Variants in RPS6KA2 observed in about 807,000 individuals in gnomAD.
The protein encoded by RPS6KA2 is ribosomal protein S6 kinase alpha-2.
A neutral mutation model predicts 91.8 loss-of-function variants in RPS6KA2; 42 were observed. The observed-to-expected ratio is 0.46, with a 90% confidence interval of 0.36 to 0.59. The LOEUF (loss-of-function observed/expected upper bound fraction) is 0.59, where lower values mean the gene tolerates loss of function less well. Among genes scored for constraint, RPS6KA2 ranks in the 20% least tolerant of loss-of-function variants. The pLI is 0.00. For synonymous variants in RPS6KA2, 414 were observed against 393.6 expected (o/e 1.05, Z -0.61); for missense variants, 798 against 978.5 (o/e 0.82, Z 2.46).
chr6:166,642,876 A>G (rs776479188), intron 2 of RPS6KA2, among the ~76,000 whole-genome samples: 1 of 152,246 alleles, frequency 6.6e-6, no homozygotes, highest in Non-Finnish European at 1.5e-5. Flanking sequence ...GCCATTGCTC[A>G]GTGTCACATT....
chr6:166,670,280 C>G (rs9356509), intron 2 of RPS6KA2, among the ~76,000 whole-genome samples: 27,437 of 152,250 alleles, frequency 0.18, 2,500 homozygotes, highest in South Asian at 0.24. Flanking sequence ...AGGCTGTAAG[C>G]CCTGCAACAC....
chr6:166,510,348 C>T lies in RPS6KA2; in HGVS notation c.308G>A (p.Arg103Gln), dbSNP rs749147718. ...LKKATLKVRD[R>Q]VRSKMERDIL... is the part of the protein sequence containing the mutation. ...GTCTCTCTCCATCTTCGATCTCACT[C>T]GGTCCCGAACTGCAAAGTAAAAAGA... is the stretch of plus-strand genomic sequence containing the variant. The change falls in exon 4 of 21, where the codon CGA becomes CAA. Residue 103 changes from arginine to glutamine, a missense_variant. Physicochemically the swap from Arg to Gln is conservative, Grantham distance 43. Coordinates refer to ENST00000265678, the MANE Select transcript of RPS6KA2 (RefSeq NM_021135.6). The T allele has an allele frequency of 2.1e-5, 34 of 1,588,140 alleles. No individual in the cohort carries two copies. Among genetic ancestry groups the T allele is most frequent in the Non-Finnish European group, 2.7e-5 (31 of 1,164,206 alleles).
Position 166,763,311 on chromosome 6 carries a change from A to G in RPS6KA2, c.123+94889T>C, listed in dbSNP as rs77688840. Among the ~76,000 whole-genome samples, 1,453 of 152,350 alleles carry G rather than the reference A, an allele frequency of 9.5e-3. 28 individuals carry two copies. Among genetic ancestry groups the G allele is most frequent in the African/African-American group, 0.034 (1,409 of 41,572 alleles). ...TTCCACAAAATAAACTGCAAGAGTA[A>G]ATTATCTTTGATTTCAGCAAATGTC... On this transcript the variant is annotated intron_variant, in intron 2 of 21. Coordinates refer to the RPS6KA2 transcript ENST00000503859.
chr6:166,536,522 G>A (rs1315218069), intron 2 of RPS6KA2, among the ~76,000 whole-genome samples: 4 of 152,196 alleles, frequency 2.6e-5, no homozygotes, highest in Admixed American at 1.3e-4. Context: ...ACTCTCTAGT[G>A]ACGATATTAG....
intron 2 of RPS6KA2, among the ~76,000 whole-genome samples, chr6:166,754,412 C>T (rs904198413): frequency 1.3e-5 from 2 of 152,142 alleles, no homozygotes; most frequent in Admixed American, 6.5e-5. Context: ...GGGCCTTTCA[C>T]GTGGCTTCCA....
At chr6:166,575,604 A>G (rs1483984283) in intron 1 of RPS6KA2, among the ~76,000 whole-genome samples, 1 of 152,226 alleles carries the variant, frequency 6.6e-6, no homozygotes, top group African/African-American at 2.4e-5. Context: ...ACAGAAGTAT[A>G]ATGATTTTTC....
intron 12 of RPS6KA2, among the ~76,000 whole-genome samples, chr6:166,455,702 A>G (rs1182826289): frequency 6.6e-6 from 1 of 152,206 alleles, no homozygotes; most frequent in Non-Finnish European, 1.5e-5. Flanking sequence ...GCTTCGCGGC[A>G]CACGGAGCCG....
At chr6:166,790,103 A>G (rs776690780) in intron 2 of RPS6KA2, among the ~76,000 whole-genome samples, 3 of 152,126 alleles carry the variant, frequency 2.0e-5, no homozygotes, top group African/African-American at 4.8e-5. Context: ...CAAAGAAGTT[A>G]AAAACTTTGA....
chr6:166,747,427 C>T (rs35345294), intron 2 of RPS6KA2, among the ~76,000 whole-genome samples: 10,224 of 152,302 alleles, frequency 0.067, 470 homozygotes, highest in East Asian at 0.25. Flanking sequence ...AGTTGGAAGA[C>T]ACCTTAGAGG....
At chr6:166,683,656 G>A (rs573300798) in intron 2 of RPS6KA2, among the ~76,000 whole-genome samples, 25 of 152,216 alleles carry the variant, frequency 1.6e-4, no homozygotes, top group Non-Finnish European at 3.2e-4. Context: ...GGAAATCAAT[G>A]TCTCTGGATA....
At chr6:166,413,017 T>C in intron 20 of RPS6KA2, 130 bp from the exon 21 acceptor site, 1 of 992,660 alleles carries the variant, frequency 1.0e-6, no homozygotes, top group Non-Finnish European at 1.4e-6. Context: ...CCAGGGTCCC[T>C]GGAGCATGGA....
Position 166,626,627 on chromosome 6 carries a change from G to C in RPS6KA2, c.99+294C>G, listed in dbSNP as rs938573033. 5.9e-5 allele frequency among the ~76,000 whole-genome samples: 9 copies of C among 152,172 alleles called. No homozygotes were observed. The highest frequency in any genetic ancestry group is 1.3e-4 in the Non-Finnish European group (9 of 68,014). ...AGCCCCTCCTCACCCGGGGCTCCCT[G>C]TGGCCCACAGGGGACCATCCCACAC... On this transcript the variant is annotated intron_variant, in intron 1 of 20. Transcript: ENST00000265678. The surrounding 1 kb of genome is among the most constrained non-coding windows in gnomAD (Gnocchi z 4.1).
chr6:166,844,652 T>G (rs148484957), intron 2 of RPS6KA2, among the ~76,000 whole-genome samples: 3,843 of 152,292 alleles, frequency 0.025, 136 homozygotes, highest in East Asian at 0.19. Context: ...CAGCCAAGAA[T>G]TTTGTATCCA....
In RPS6KA2 at chr6:166,490,295, G is replaced by A. The variant is rs557202534; in HGVS notation, c.818+376C>T. On this transcript the variant is annotated intron_variant, in intron 9 of 20. Coordinates refer to ENST00000265678, the MANE Select transcript of RPS6KA2 (RefSeq NM_021135.6). The surrounding 1 kb of genome is among the most constrained non-coding windows in gnomAD (Gnocchi z 4.2). Reference sequence around the variant, plus strand: ...CCCTGGAGGCCTTGTGTCTTTTTCCGTCTATCCTTTACTTCTGGGAGGTCA... The same window carrying A: ...CCCTGGAGGCCTTGTGTCTTTTTCCATCTATCCTTTACTTCTGGGAGGTCA... 2.6e-5 allele frequency among the ~76,000 whole-genome samples: 4 copies of A among 152,166 alleles called. No homozygotes were observed. The highest frequency in any genetic ancestry group is 2.1e-4 in the South Asian group (1 of 4,818).
rs915015310 is a variant in RPS6KA2 at position 166,648,983 on chromosome 6, C to T, written c.124-110199G>A. ...CCTACTAATGGGCTCCTTCCTTCGC[C>T]CCTCCTCCAGTCTAGTCAATATGTT... is the stretch of plus-strand genomic sequence containing the variant. On this transcript the variant is annotated intron_variant, in intron 2 of 21. Coordinates refer to the RPS6KA2 transcript ENST00000503859. This position sits in a 1 kb window ranked among gnomAD's most constrained non-coding sequence, Gnocchi z 4.8. 8.5e-5 allele frequency among the ~76,000 whole-genome samples: 13 copies of T among 152,176 alleles called. No individual in the cohort carries two copies. The highest frequency in any genetic ancestry group is 1.2e-4 in the Non-Finnish European group (8 of 68,040).
rs1779216093 is a variant in RPS6KA2, at chr6:166,433,953, T to A, written c.1333-1463A>T. 6.6e-6 allele frequency among the ~76,000 whole-genome samples: 1 copy of A among 151,868 alleles called. No homozygotes were observed. Among genetic ancestry groups the A allele is most frequent in the Non-Finnish European group, 1.5e-5 (1 of 67,966 alleles). ...TAAATTCTTTGTAGAGATGATGGGG[T>A]CTTGCTGTGTTGCCCAGGCTGGTCT... On this transcript the variant is annotated intron_variant, in intron 14 of 20. Coordinates refer to ENST00000265678, the MANE Select transcript of RPS6KA2 (RefSeq NM_021135.6). This position sits in a 1 kb window ranked among gnomAD's most constrained non-coding sequence, Gnocchi z 4.4.
Position 166,451,337 on chromosome 6 carries a change from G to C in RPS6KA2, c.1076-104C>G, listed in dbSNP as rs1779911267. ...GTGGTATGTGTGTGCAAGTCCGTGT[G>C]TGTGTGTGTGTGTGTGTGTGTGCAC... On this transcript the variant is annotated intron_variant, in intron 12 of 20. Transcript: ENST00000265678. The C allele has an allele frequency of 9.3e-6, 10 of 1,069,654 alleles. No homozygotes were observed. In the South Asian group the frequency reaches 1.4e-4, roughly 15 times the overall value. 66.3% of individuals were successfully genotyped at this position (1,069,654 alleles called of 1,614,324 possible).
rs748442714 is a variant in RPS6KA2, at chr6:166,665,682, A to G, written c.124-126898T>C. ...TGAAGTTTGCTACTGAAGGTCTCCC[A>G]GCAAGCTGCAGGCGGCCCTGACCAA... On this transcript the variant is annotated intron_variant, in intron 2 of 21. Transcript: ENST00000503859. This position sits in a 1 kb window ranked among gnomAD's most constrained non-coding sequence, Gnocchi z 4.5. Among the ~76,000 whole-genome samples the G allele has an allele frequency of 6.6e-6, 1 of 152,246 alleles. No individual in the cohort carries two copies. The highest frequency in any genetic ancestry group is 1.5e-5 in the Non-Finnish European group (1 of 68,044).
At chr6:166,679,034 C>T (rs764552338) in intron 2 of RPS6KA2, among the ~76,000 whole-genome samples, 5 of 152,130 alleles carry the variant, frequency 3.3e-5, no homozygotes, top group Admixed American at 6.6e-5. Context: ...ATTTAGTTCA[C>T]GTTACAAAAC....
Sources: gnomAD v4.1 joint callset for allele counts (sites outside exome capture counted in the v4.1 genomes callset) on GRCh38, gnomAD v4.1.1 for gene constraint, Gnocchi (gnomAD v3.1) non-coding constraint, MANE v1.5 for transcripts, NCBI Gene and HGNC (gene_info 2026-07-23, HGNC 2026-07-21) for gene names.